LRRTM4: variants seen among roughly 807,000 people sequenced by gnomAD.
The protein encoded by LRRTM4 is leucine rich repeat transmembrane neuronal 4.
A neutral mutation model predicts 47.6 loss-of-function variants in LRRTM4; 25 were observed. The ratio of observed to expected loss-of-function variants is 0.53; its 90% CI spans 0.38 to 0.73. LRRTM4 has a LOEUF of 0.73. Ranked by LOEUF, LRRTM4 falls within the 30% of genes least tolerant of loss-of-function variation. The pLI, the probability that LRRTM4 is intolerant of heterozygous loss-of-function variation, is 0.00. For synonymous variants in LRRTM4, 311 were observed against 269.5 expected (o/e 1.15, Z -1.51); for missense variants, 638 against 713.4 (o/e 0.89, Z 1.20).
At chr2:77,437,039 G>T (rs1675628520) in intron 3 of LRRTM4, among the ~76,000 whole-genome samples, 1 of 151,912 alleles carries the variant, frequency 6.6e-6, no homozygotes, top group Admixed American at 6.6e-5. Context: ...AGAAAAGTAT[G>T]CTTATCTGTT....
At position 77,503,931 on chromosome 2, in the gene LRRTM4, A is replaced by G. The variant is rs373587170; in HGVS notation, c.1551+14387T>C. On this transcript the variant is annotated intron_variant, in intron 3 of 3. Coordinates refer to ENST00000409884, the MANE Select transcript of LRRTM4 (RefSeq NM_001134745.3). ...GGCAAGCTTAGCAAGAGCTGTTTGG[A>G]TGGCATAGTGGGCTCTAATGACACA... Among the ~76,000 whole-genome samples, 108 of 151,852 alleles carry G rather than the reference A, an allele frequency of 7.1e-4. 3 individuals are homozygous for G. In the South Asian group the frequency reaches 0.02, roughly 29 times the overall value.
At chr2:77,283,682 C>T (rs1405845750) in intron 3 of LRRTM4, among the ~76,000 whole-genome samples, 1 of 151,946 alleles carries the variant, frequency 6.6e-6, no homozygotes, top group Non-Finnish European at 1.5e-5. Context: ...AACATGGATG[C>T]AGCTGGAGGC....
At chr2:77,480,822 GGAGAGAGAGAGAGA>G (rs67377276) in intron 3 of LRRTM4, among the ~76,000 whole-genome samples, 37 of 74,522 alleles carry the variant, frequency 5.0e-4, no homozygotes, top group South Asian at 1.2e-3. Flanking sequence ...GTGTGTGTGT[GGAGAGAGAGAGAGA>G]GAGAGAGAGA....
At chr2:77,284,299 A>T (rs73943822) in intron 3 of LRRTM4, among the ~76,000 whole-genome samples, 18,008 of 152,138 alleles carry the variant, frequency 0.12, 2,167 homozygotes, top group African/African-American at 0.3. Flanking sequence ...GTCCTATAAA[A>T]TAATGTTCTG....
At chr2:76,909,582 C>T (rs373159309) in intron 3 of LRRTM4, among the ~76,000 whole-genome samples, 5,826 of 151,896 alleles carry the variant, frequency 0.038, 244 homozygotes, top group East Asian at 0.13. Flanking sequence ...AGAAAATTTT[C>T]GCAACCTACT....
intron 3 of LRRTM4, among the ~76,000 whole-genome samples, chr2:77,223,691 T>G (rs1436846988): frequency 2.0e-5 from 3 of 152,102 alleles, no homozygotes; most frequent in Non-Finnish European, 4.4e-5. Context: ...TACAAACCAC[T>G]ACTCAATGAA....
Position 77,263,984 on chromosome 2 carries a change from A to T in LRRTM4, c.1551+254334T>A, listed in dbSNP as rs542435410. Among the ~76,000 whole-genome samples, 27 of 151,902 alleles carry T rather than the reference A, an allele frequency of 1.8e-4. No individual in the cohort carries two copies. The South Asian group carries it at 2.5e-3, about 14-fold the overall frequency. On this transcript the variant is annotated intron_variant, in intron 3 of 3. Transcript: ENST00000409884. ...AAAGGATCTAACGTGTTAGAGAAAGATATGTTAAACCGAAACTTCTTTAAG... is the reference window on the plus strand; with the variant it reads ...AAAGGATCTAACGTGTTAGAGAAAGTTATGTTAAACCGAAACTTCTTTAAG...
intron 3 of LRRTM4, among the ~76,000 whole-genome samples, chr2:77,129,951 A>G (rs1426789216): frequency 6.6e-6 from 1 of 152,210 alleles, no homozygotes; most frequent in East Asian, 1.9e-4. Flanking sequence ...GCCTAAAAAT[A>G]CGAATAAAAA....
chr2:77,407,684 A>G (rs1558728866), intron 3 of LRRTM4, among the ~76,000 whole-genome samples: 1 of 125,236 alleles, frequency 8.0e-6, no homozygotes, highest in Non-Finnish European at 1.6e-5. Context: ...TATAATATTT[A>G]ATATAATATA....
At chr2:77,345,808 CT>C (rs149633018) in intron 3 of LRRTM4, among the ~76,000 whole-genome samples, 2,092 of 150,922 alleles carry the variant, frequency 0.014, 47 homozygotes, top group African/African-American at 0.048. Flanking sequence ...ATATTTACCC[CT>C]GAGGAAAAAC....
intron 3 of LRRTM4, among the ~76,000 whole-genome samples, chr2:76,791,438 G>C (rs10207067): frequency 0.11 from 17,183 of 152,174 alleles, 1,151 homozygotes; most frequent in Non-Finnish European, 0.15. Context: ...TGATTTATCA[G>C]AGAATTTAGA....
At chr2:77,094,787 T>C (rs1379790137) in intron 3 of LRRTM4, among the ~76,000 whole-genome samples, 2 of 152,172 alleles carry the variant, frequency 1.3e-5, no homozygotes, top group Admixed American at 6.6e-5. Context: ...CAACTCAACA[T>C]GGGATGAAAG....
intron 3 of LRRTM4, among the ~76,000 whole-genome samples, chr2:77,267,290 AT>A (rs1676074751): frequency 1.3e-5 from 2 of 152,310 alleles, no homozygotes; most frequent in South Asian, 4.1e-4. Flanking sequence ...AGACTGGGTA[AT>A]TTATAACAAT....
chr2:76,827,044 T>C (rs1435461917), intron 3 of LRRTM4, among the ~76,000 whole-genome samples: 1 of 151,852 alleles, frequency 6.6e-6, no homozygotes, highest in East Asian at 1.9e-4. Flanking sequence ...TAATGGACTT[T>C]TGAGTATTTC....
intron 3 of LRRTM4, among the ~76,000 whole-genome samples, chr2:77,370,427 A>C (rs974516101): frequency 2.0e-5 from 3 of 151,766 alleles, no homozygotes; most frequent in African/African-American, 7.2e-5. Context: ...CAGAAAGTTG[A>C]TTTGATAGTA....
intron 3 of LRRTM4, among the ~76,000 whole-genome samples, chr2:77,408,777 A>G (rs181499644): frequency 1.3e-5 from 2 of 152,310 alleles, no homozygotes; most frequent in Admixed American, 6.5e-5. Flanking sequence ...TTATCAAAAG[A>G]AGAAATTATG....
intron 3 of LRRTM4, among the ~76,000 whole-genome samples, chr2:76,898,857 ATACTTT>A (rs1351710567): frequency 1.3e-5 from 2 of 151,554 alleles, no homozygotes; most frequent in African/African-American, 4.8e-5. Flanking sequence ...ATATATAGTT[ATACTTT>A]TAATTTTTAC....
At position 76,997,334 on chromosome 2, in the gene LRRTM4, A is replaced by G. The variant is rs117053880; in HGVS notation, c.1552-248418T>C. 8.2e-4 allele frequency among the ~76,000 whole-genome samples: 104 copies of G among 126,622 alleles called. 6 individuals are homozygous for G. In the East Asian group the frequency reaches 0.025, roughly 31 times the overall value. The allele number at this position is 126,622 out of a possible 152,430, so 83.1% of individuals were successfully genotyped here. A position where few individuals can be genotyped will look rare whatever the true frequency, so the allele number is the denominator to read the frequency against. Reference sequence around the variant, plus strand: ...TAAATATGTTGGTGTACCTACCAGTATAAATGCTTTATTTCTCACTGTAAG... The same window carrying G: ...TAAATATGTTGGTGTACCTACCAGTGTAAATGCTTTATTTCTCACTGTAAG... On this transcript the variant is annotated intron_variant, in intron 3 of 3. Transcript: ENST00000409884.
chr2:76,901,383 AT>A, intron 3 of LRRTM4, among the ~76,000 whole-genome samples: 1 of 152,098 alleles, frequency 6.6e-6, no homozygotes, highest in African/African-American at 2.4e-5. Flanking sequence ...ATGTTATCTC[AT>A]TTCTTACTAT....
Sources: gnomAD v4.1 joint callset for allele counts (sites outside exome capture counted in the v4.1 genomes callset) on GRCh38, gnomAD v4.1.1 for gene constraint, MANE v1.5 for transcripts, NCBI Gene and HGNC (gene_info 2026-07-23, HGNC 2026-07-21) for gene names.